IL6ST: variants seen among roughly 807,000 people sequenced by gnomAD.
IL6ST encodes interleukin-6 receptor subunit beta.
In IL6ST, 24 loss-of-function variants were observed where a neutral mutation model predicts 91.3. The ratio of observed to expected loss-of-function variants is 0.26; its 90% confidence interval spans 0.19 to 0.37. IL6ST has a LOEUF of 0.37. Among genes scored for constraint, IL6ST ranks in the 10% least tolerant of loss-of-function variants. The probability of loss-of-function intolerance (pLI) is 1.00; values close to 1 mark genes in which losing one functional copy is unlikely to be tolerated. For missense variants in IL6ST, 914 were observed against 1,078.5 expected (o/e 0.85, Z 2.14); for synonymous variants, 351 against 373.6 (o/e 0.94, Z 0.70).
intron 1 of IL6ST, among the ~76,000 whole-genome samples, chr5:55,988,837 G>A (rs1754144009): frequency 6.6e-6 from 1 of 151,450 alleles, no homozygotes; most frequent in South Asian, 2.1e-4. Flanking sequence ...AAGGCTGGGT[G>A]CAGTGGCTCA....
intron 10 of IL6ST, among the ~76,000 whole-genome samples, chr5:55,955,819 C>T (rs1387512418): frequency 6.6e-6 from 1 of 151,892 alleles, no homozygotes; most frequent in Non-Finnish European, 1.5e-5. Flanking sequence ...GAGTTCGAGA[C>T]CAGCCTGAGC....
intron 6 of IL6ST, 116 bp from the exon 7 acceptor site, chr5:55,963,622 G>T: frequency 1.3e-6 from 1 of 763,946 alleles, no homozygotes; most frequent in African/African-American, 1.8e-5. Flanking sequence ...CTTACCAAAT[G>T]AACTAATTTC....
intron 1 of IL6ST, among the ~76,000 whole-genome samples, chr5:55,990,447 C>G (rs1754253284): frequency 6.6e-6 from 1 of 152,102 alleles, no homozygotes; most frequent in Non-Finnish European, 1.5e-5. Context: ...TATCCTCTTT[C>G]TTGTCTCCTT....
chr5:55,962,379 G>C (rs1413917849), intron 7 of IL6ST, among the ~76,000 whole-genome samples: 1 of 152,178 alleles, frequency 6.6e-6, no homozygotes, highest in Admixed American at 6.5e-5. Flanking sequence ...AATCAAAACA[G>C]AGAAGAGTAT....
At chr5:55,990,692 CA>C (rs1188797615) in intron 1 of IL6ST, among the ~76,000 whole-genome samples, 2 of 152,136 alleles carry the variant, frequency 1.3e-5, no homozygotes, top group East Asian at 3.8e-4. Flanking sequence ...GGTCTAAAAA[CA>C]ATACACCATA....
At chr5:55,950,135 C>T (rs1487314502) in intron 14 of IL6ST, 2 of 467,100 alleles carry the variant, frequency 4.3e-6, no homozygotes, top group Non-Finnish European at 8.6e-6. Flanking sequence ...ATTGTAATCA[C>T]ATTTAAATTT....
chr5:55,948,426 C>G (rs1246111305), intron 14 of IL6ST, among the ~76,000 whole-genome samples: 1 of 152,074 alleles, frequency 6.6e-6, no homozygotes, highest in African/African-American at 2.4e-5. Flanking sequence ...CCACACATAT[C>G]CCTTTGTAAG....
rs1363653989 is a variant in IL6ST, at chr5:55,953,680, C to T, written c.1450+1130G>A. ...GAATTACAGGCGTGAGCCACCGCAT[C>T]GGCTGCTGCTTTAAAAAGTTTCTAT... is the stretch of plus-strand genomic sequence containing the variant. On this transcript the variant is annotated intron_variant, in intron 11 of 16. Coordinates refer to ENST00000381298, the MANE Select transcript of IL6ST (RefSeq NM_002184.4). 4.6e-5 allele frequency among the ~76,000 whole-genome samples: 7 copies of T among 152,322 alleles called. No homozygotes were observed. The East Asian group carries it at 9.7e-4, about 21-fold the overall frequency.
intron 5 of IL6ST, 85 bp downstream of exon 5, chr5:55,968,191 A>T (rs1334123964): frequency 8.8e-7 from 1 of 1,139,416 alleles, no homozygotes; most frequent in Non-Finnish European, 1.3e-6. Context: ...ATAGCATTTA[A>T]TATTATTACT....
At chr5:55,977,397 G>A (rs978355973) in intron 2 of IL6ST, among the ~76,000 whole-genome samples, 5 of 151,874 alleles carry the variant, frequency 3.3e-5, no homozygotes, top group Non-Finnish European at 5.9e-5. Flanking sequence ...TTCTTGATAC[G>A]GCAAAACTAA....
At chr5:55,969,402 C>A in intron 4 of IL6ST, 148 bp downstream of exon 4, 1 of 565,914 alleles carries the variant, frequency 1.8e-6, no homozygotes, top group Admixed American at 3.2e-5. Context: ...CTTGTGGTTC[C>A]TACTTCTAAG....
At chr5:55,959,547 C>G in intron 8 of IL6ST, 2 of 600,920 alleles carry the variant, frequency 3.3e-6, no homozygotes, top group Non-Finnish European at 5.2e-6. Context: ...TTACTTTAGA[C>G]TGTACACTCT....
chr5:55,957,883 A>G (rs958320035), intron 8 of IL6ST, among the ~76,000 whole-genome samples: 6 of 152,246 alleles, frequency 3.9e-5, no homozygotes, highest in Non-Finnish European at 7.3e-5. Context: ...TGAAATAAAC[A>G]TAAGTTGATA....
chr5:55,944,131 T>C (rs1376365024), intron 15 of IL6ST, among the ~76,000 whole-genome samples: 1 of 152,094 alleles, frequency 6.6e-6, no homozygotes, highest in Non-Finnish European at 1.5e-5. Context: ...TAACATCACA[T>C]GTGATGGTGA....
At chr5:55,960,223 A>G (rs1323107685) in intron 8 of IL6ST, among the ~76,000 whole-genome samples, 179 bp downstream of exon 8, 2 of 152,156 alleles carry the variant, frequency 1.3e-5, no homozygotes, top group African/African-American at 4.8e-5. Flanking sequence ...GACTTATACT[A>G]TCAATGATCC....
chr5:55,960,240 A>C (rs962756309), intron 8 of IL6ST, among the ~76,000 whole-genome samples, 162 bp downstream of exon 8: 1 of 152,202 alleles, frequency 6.6e-6, no homozygotes, highest in African/African-American at 2.4e-5. Context: ...ATCCATATTC[A>C]ATTTTACATC....
In IL6ST at chr5:55,937,457, G is replaced by A; in HGVS notation, c.*3625C>T. The A allele has an allele frequency of 4.7e-6, 1 of 211,104 alleles. No homozygotes were observed. Among genetic ancestry groups the A allele is most frequent in the Non-Finnish European group, 9.6e-6 (1 of 103,968 alleles). 13.1% of individuals were successfully genotyped at this position (211,104 alleles called of 1,614,324 possible). On this transcript the variant is annotated 3_prime_UTR_variant, in exon 17 of 17. Coordinates refer to ENST00000381298, the MANE Select transcript of IL6ST (RefSeq NM_002184.4). ...AAGATAATACGCTTGGCTTTGTAAAGTTTTGTTTTGACTTACATCATCTGA... is the reference window on the plus strand; with the variant it reads ...AAGATAATACGCTTGGCTTTGTAAAATTTTGTTTTGACTTACATCATCTGA...
intron 2 of IL6ST, among the ~76,000 whole-genome samples, chr5:55,979,970 A>C (rs912996123): frequency 7.2e-5 from 11 of 152,218 alleles, no homozygotes; most frequent in Non-Finnish European, 1.6e-4. Flanking sequence ...CTCTATATGT[A>C]CAGAAACATA....
Position 55,936,711 on chromosome 5 carries a change from C to T in IL6ST, c.*4371G>A. On this transcript the variant is annotated 3_prime_UTR_variant, in exon 17 of 17. Transcript: ENST00000381298. Reference sequence around the variant, plus strand: ...GGATTAGAGCTAATATATAATAGAACATTTAATATAACATTTGGAGTTATG... The same window carrying T: ...GGATTAGAGCTAATATATAATAGAATATTTAATATAACATTTGGAGTTATG... 1 of 192,040 alleles carries T rather than the reference C, an allele frequency of 5.2e-6. No homozygotes were observed. Among genetic ancestry groups the T allele is most frequent in the East Asian group, 8.4e-5 (1 of 11,932 alleles). The allele number at this position is 192,040 out of a possible 1,614,324, so 11.9% of individuals were successfully genotyped here. A position where few individuals can be genotyped will look rare whatever the true frequency, so the allele number is the denominator to read the frequency against.
Sources: allele counts gnomAD v4.1 joint callset (sites outside exome capture counted in the v4.1 genomes callset), GRCh38; gene constraint gnomAD v4.1.1; transcripts MANE v1.5; gene names NCBI Gene and HGNC (gene_info 2026-07-23, HGNC 2026-07-21).